The following PHACTR3 variants were observed in gnomAD, a reference collection of about 807,000 sequenced individuals.
The protein encoded by PHACTR3 is protein phosphatase 1, regulatory subunit 123.
PHACTR3 carries 16 observed loss-of-function variants against 66.8 expected under a neutral mutation model. The ratio of observed to expected loss-of-function variants is 0.24; its 90% CI spans 0.16 to 0.36. The LOEUF is 0.36. PHACTR3 is among the 10% of genes least tolerant of loss of function. PHACTR3 has a pLI of 1.00. For synonymous variants in PHACTR3, 323 were observed against 292.1 expected, an observed-to-expected ratio of 1.11 and a Z score of -1.08; for missense variants, 647 against 719.9, an observed-to-expected ratio of 0.90 and a Z score of 1.16.
intron 1 of PHACTR3, among the ~76,000 whole-genome samples, chr20:59,586,353 T>A (rs1368675223): frequency 1.3e-5 from 2 of 152,238 alleles, no homozygotes; most frequent in Non-Finnish European, 2.9e-5. Flanking sequence ...CTGCACATTC[T>A]CCGTCTTCCA....
Position 59,714,578 on chromosome 20 carries a change from T to C in PHACTR3, c.119-28529T>C, listed in dbSNP as rs1267257865. 2.0e-5 allele frequency among the ~76,000 whole-genome samples: 3 copies of C among 152,248 alleles called. No individual in the cohort carries two copies. The South Asian group carries it at 6.2e-4, about 31-fold the overall frequency. On this transcript the variant is annotated intron_variant, in intron 1 of 12. Coordinates refer to ENST00000371015, the MANE Select transcript of PHACTR3 (RefSeq NM_080672.5). ...TTCCAATAGCACATCATCATAATTG[T>C]TGGAGATTTAAAATCAGTCATGATA...
Position 59,687,175 on chromosome 20 carries a change from G to A in PHACTR3, c.119-55932G>A, listed in dbSNP as rs567308402. 4.0e-5 allele frequency among the ~76,000 whole-genome samples: 6 copies of A among 150,528 alleles called. No homozygotes were observed. The East Asian group carries it at 9.8e-4, about 25-fold the overall frequency. The stretch of plus-strand genomic sequence containing the variant: ...GACGATGGTGATTGTGATGGTGGTG[G>A]TGATAGTGGTGATGACGATGATGAT... On this transcript the variant is annotated intron_variant, in intron 1 of 12. Transcript: ENST00000371015.
chr20:59,577,890 T>A (rs1249201378), intron 1 of PHACTR3, among the ~76,000 whole-genome samples: 2 of 152,208 alleles, frequency 1.3e-5, no homozygotes, highest in Non-Finnish European at 1.5e-5. Context: ...GTCGACAGTC[T>A]GGGGTTTGGA....
intron 1 of PHACTR3, among the ~76,000 whole-genome samples, chr20:59,630,828 C>T (rs987703166): frequency 4.0e-5 from 6 of 151,528 alleles, no homozygotes; most frequent in Admixed American, 1.3e-4. Context: ...AATGTTGACT[C>T]AGGGGCAGAG....
intron 8 of PHACTR3, among the ~76,000 whole-genome samples, chr20:59,834,601 C>T (rs1297389973): frequency 1.3e-5 from 2 of 152,222 alleles, no homozygotes; most frequent in African/African-American, 2.4e-5. Context: ...TACCCACCCC[C>T]ATCCTCACTC....
At chr20:59,815,766 C>T (rs1052198195) in intron 8 of PHACTR3, among the ~76,000 whole-genome samples, 1 of 152,132 alleles carries the variant, frequency 6.6e-6, no homozygotes, top group East Asian at 1.9e-4. Flanking sequence ...GCAAAACAGG[C>T]GATGAGGCTT....
chr20:59,696,755 T>A (rs987872471), intron 1 of PHACTR3, among the ~76,000 whole-genome samples: 7 of 152,098 alleles, frequency 4.6e-5, no homozygotes, highest in Admixed American at 4.6e-4. Context: ...CAGGCCAGCA[T>A]TTGACCATTT....
At chr20:59,803,473 A>C (rs1472195780) in intron 7 of PHACTR3, among the ~76,000 whole-genome samples, 1 of 152,196 alleles carries the variant, frequency 6.6e-6, no homozygotes, top group Non-Finnish European at 1.5e-5. Flanking sequence ...TACAGTAACC[A>C]AAATTAAGTA....
Position 59,773,402 on chromosome 20 carries a change from G to T in PHACTR3, c.875G>T (p.Arg292Leu), listed in dbSNP as rs201342604. The T allele has an allele frequency of 6.2e-7, 1 of 1,613,904 alleles. No individual in the cohort carries two copies. The highest frequency in any genetic ancestry group is 8.5e-7 in the Non-Finnish European group (1 of 1,180,010). The change falls in exon 6 of 13, where the codon CGC (arginine) becomes CTC (leucine). Residue 292 changes from arginine to leucine, a missense_variant. Around this residue, in one of 2 missense-constraint regions of PHACTR3, gnomAD observed 577 missense variants for 571.1 expected, o/e 1.01. Transcript: ENST00000371015. ...GTCCACCGGCCTCTTCCCCCAAGCC[G>T]CGTCATTGAGGAGCTGCACAGGGCG... ...TTVHRPLPPS[R>L]VIEELHRALA...
chr20:59,847,382 T>TATC lies in PHACTR3; in HGVS notation c.*254_*256dup, dbSNP rs1479192764. On this transcript the variant is annotated 3_prime_UTR_variant, in exon 13 of 13. Coordinates refer to ENST00000371015, the MANE Select transcript of PHACTR3 (RefSeq NM_080672.5). ...GGTCAGTTAAGACCCAACATAACTC[T>TATC]ATCAGAAGAAAACTGTTGTTTGCCT... The TATC allele has an allele frequency of 8.2e-6, 3 of 364,466 alleles. No homozygotes were observed. The South Asian group carries it at 2.8e-4, about 34-fold the overall frequency. The allele number at this position is 364,466 out of a possible 1,614,324, so 22.6% of individuals were successfully genotyped here.
chr20:59,709,234 C>T (rs1372147207), intron 1 of PHACTR3, among the ~76,000 whole-genome samples: 1 of 152,204 alleles, frequency 6.6e-6, no homozygotes, highest in Non-Finnish European at 1.5e-5. Context: ...CAAAACACAC[C>T]TACAGTTTTT....
At chr20:59,840,869 T>A (rs1378683442) in intron 10 of PHACTR3, among the ~76,000 whole-genome samples, 3 of 152,148 alleles carry the variant, frequency 2.0e-5, no homozygotes, top group African/African-American at 7.2e-5. Flanking sequence ...TTGTTCTCTG[T>A]GACTCAAACA....
intron 8 of PHACTR3, among the ~76,000 whole-genome samples, chr20:59,826,940 C>T (rs2042209228): frequency 1.3e-5 from 2 of 152,150 alleles, no homozygotes; most frequent in Admixed American, 6.5e-5. Flanking sequence ...AGTCAAGGGC[C>T]TGGTTTTCCT....
chr20:59,805,477 T>C (rs1196817170), intron 7 of PHACTR3, among the ~76,000 whole-genome samples: 5 of 152,102 alleles, frequency 3.3e-5, no homozygotes, highest in Admixed American at 1.3e-4. Context: ...GGAGTGGTGG[T>C]GATTGAAGGC....
At chr20:59,626,161 ATATTTACTGG>A (rs2034438597) in intron 1 of PHACTR3, among the ~76,000 whole-genome samples, 1 of 152,214 alleles carries the variant, frequency 6.6e-6, no homozygotes, top group African/African-American at 2.4e-5. Flanking sequence ...CATTCAACAA[ATATTTACTGG>A]ACACCTGTTT....
intron 1 of PHACTR3, among the ~76,000 whole-genome samples, chr20:59,587,649 C>T (rs978139134): frequency 1.3e-5 from 2 of 152,212 alleles, no homozygotes; most frequent in Non-Finnish European, 2.9e-5. Context: ...GGAGAGAATT[C>T]ACTTCCTGCT....
At chr20:59,612,051 G>A (rs2033868633) in intron 1 of PHACTR3, among the ~76,000 whole-genome samples, 1 of 152,174 alleles carries the variant, frequency 6.6e-6, no homozygotes, top group African/African-American at 2.4e-5. Context: ...GGTAGTGGGT[G>A]TGTCCTGGGC....
chr20:59,666,310 G>C (rs1682809929), intron 1 of PHACTR3, among the ~76,000 whole-genome samples: 1 of 152,210 alleles, frequency 6.6e-6, no homozygotes. Context: ...CATGCCCTGT[G>C]AGTCTGCCCT....
chr20:59,836,667 C>CAT lies in PHACTR3; in HGVS notation c.1384+108_1384+109dup, dbSNP rs561037169. 64 of 1,104,444 alleles carry CAT rather than the reference C, an allele frequency of 5.8e-5. 2 individuals are homozygous for CAT. The South Asian group carries it at 9.6e-4, about 17-fold the overall frequency. The allele number at this position is 1,104,444 out of a possible 1,614,324, so 68.4% of individuals were successfully genotyped here. A position where few individuals can be genotyped will look rare whatever the true frequency, so the allele number is the denominator to read the frequency against. ...GCCCTTCTCTGCAAGCGGAATGCTCCATGCTCCCAGTAAACCTGAGCTGCT... is the reference window on the plus strand; with the variant it reads ...GCCCTTCTCTGCAAGCGGAATGCTCCATATGCTCCCAGTAAACCTGAGCTGCT... On this transcript the variant is annotated intron_variant, in intron 9 of 12. Transcript: ENST00000371015.
Sources: gnomAD v4.1 joint callset for allele counts (sites outside exome capture counted in the v4.1 genomes callset) on GRCh38, gnomAD v4.1.1 for gene constraint, gnomAD v4.1.1 regional missense constraint, MANE v1.5 for transcripts, NCBI Gene and HGNC (gene_info 2026-07-23, HGNC 2026-07-21) for gene names.